LAT: variants seen among roughly 807,000 people sequenced by gnomAD.
LAT encodes linker for activation of T-cells family member 1.
Under a neutral mutation model 39.1 loss-of-function variants are expected in LAT, and 12 were observed. The ratio of observed to expected loss-of-function variants is 0.31; its 90% CI spans 0.20 to 0.50. The LOEUF (loss-of-function observed/expected upper bound fraction) is 0.50. Among genes scored for constraint, LAT ranks in the 20% least tolerant of loss-of-function variants. The pLI is 0.98. For synonymous variants in LAT, 117 were observed against 123.8 expected, an observed-to-expected ratio of 0.95 and a Z score of 0.36; for missense variants, 253 against 308.0, an observed-to-expected ratio of 0.82 and a Z score of 1.34.
At position 28,990,220 on chromosome 16, in the gene LAT, G is replaced by T; in HGVS notation, c.*39G>T. 2.9e-6 allele frequency: 2 copies of T among 701,196 alleles called. No homozygotes were observed. Among genetic ancestry groups the T allele is most frequent in the Non-Finnish European group, 5.2e-6 (2 of 385,948 alleles). 43.4% of individuals were successfully genotyped at this position (701,196 alleles called of 1,614,324 possible). A position where few individuals can be genotyped will look rare whatever the true frequency, so the allele number is the denominator to read the frequency against. On this transcript the variant is annotated 3_prime_UTR_variant, in exon 12 of 12. Coordinates refer to ENST00000395456, the MANE Select transcript of LAT (RefSeq NM_001014987.2). ...CCGAGTCTGTCCTGGAACCAGGCTT[G>T]CCTGGGACGGCTGAGCTGGGCAGCT... is the stretch of plus-strand genomic sequence containing the variant.
At position 28,985,334 on chromosome 16, in the gene LAT, G is replaced by A. The variant is rs1478716670; in HGVS notation, c.-84G>A. 2 of 1,585,462 alleles carry A rather than the reference G, an allele frequency of 1.3e-6. No individual in the cohort carries two copies. The highest frequency in any genetic ancestry group is 2.3e-5 in the East Asian group (1 of 44,352). Reference sequence around the variant, plus strand: ...TGCCCCCTGCTCCCTGCCGGGTCCGGTCCTCACCCCATCTTCATCTGGCCT... The same window carrying A: ...TGCCCCCTGCTCCCTGCCGGGTCCGATCCTCACCCCATCTTCATCTGGCCT... On this transcript the variant is annotated 5_prime_UTR_variant, in exon 1 of 12. Transcript: ENST00000395456. The surrounding 1 kb of genome is among the most constrained non-coding windows in gnomAD (Gnocchi z 4.6).
intron 9 of LAT, 72 bp downstream of exon 9, chr16:28,989,661 T>G (rs1018103423): frequency 6.3e-7 from 1 of 1,583,864 alleles, no homozygotes; most frequent in Non-Finnish European, 8.6e-7. Context: ...TGTGACCAGA[T>G]CCCACCCTGG....
At chr16:28,984,819 A>G (rs1965701666), upstream of LAT, 1 of 1,540,002 alleles carries the variant, frequency 6.5e-7, no homozygotes, top group African/African-American at 1.4e-5. Context: ...CAGAATTCCC[A>G]CTGTCAGGGC....
chr16:28,984,836 G>C (rs779625131), upstream of LAT: 13 of 1,549,714 alleles, frequency 8.4e-6, no homozygotes, highest in Admixed American at 2.0e-5. Context: ...GGGCCTCCCT[G>C]CTCGCTGCCT....
Position 28,986,170 on chromosome 16 carries a change from G to A in LAT, c.199G>A (p.Val67Ile), listed in dbSNP as rs1268270114. 6.2e-7 allele frequency: 1 copy of A among 1,604,578 alleles called. No individual in the cohort carries two copies. The highest frequency in any genetic ancestry group is 1.1e-5 in the South Asian group (1 of 89,648). ...CCCCTGGCCACCTGCCTACCCACCT[G>A]TCACCTCCTACCCACCCCTGAGCCA... is the stretch of plus-strand genomic sequence containing the variant. ...VAPWPPAYPP[V>I]TSYPPLSQPD... The change falls in exon 4 of 12, where the codon GTC (valine) becomes ATC (isoleucine). Residue 67 changes from valine to isoleucine, a missense_variant. By Grantham distance (29) the Val-to-Ile change is conservative (BLOSUM62 3). Transcript: ENST00000395456. This position sits in a 1 kb window ranked among gnomAD's most constrained non-coding sequence, Gnocchi z 5.7.
intron 9 of LAT, 91 bp from the exon 10 acceptor site, chr16:28,989,683 C>A: frequency 6.3e-7 from 1 of 1,580,790 alleles, no homozygotes; most frequent in Non-Finnish European, 8.7e-7. Flanking sequence ...GCTACCCACA[C>A]CCTCTGCCCC....
chr16:28,985,598 C>T lies in LAT; in HGVS notation c.100+81C>T. 1 of 1,601,912 alleles carries T rather than the reference C, an allele frequency of 6.2e-7. No homozygotes were observed. Among genetic ancestry groups the T allele is most frequent in the African/African-American group, 1.3e-5 (1 of 74,788 alleles). The stretch of plus-strand genomic sequence containing the variant: ...ATCCACTCCCAGCCCCTGTGTCTGT[C>T]CTGGCTCTGTCCCTGCCTCCGTCCT... On this transcript the variant is annotated intron_variant, in intron 1 of 11. Coordinates refer to ENST00000395456, the MANE Select transcript of LAT (RefSeq NM_001014987.2). The surrounding 1 kb of genome is among the most constrained non-coding windows in gnomAD (Gnocchi z 4.6).
At chr16:28,989,717 C>T (rs1176378805) in intron 9 of LAT, 57 bp from the exon 10 acceptor site, 6 of 1,602,660 alleles carry the variant, frequency 3.7e-6, no homozygotes, top group Non-Finnish European at 5.1e-6. Flanking sequence ...TCCCCTTGCT[C>T]TCTCGCCCTC....
In LAT at chr16:28,990,030, T is replaced by C; in HGVS notation, c.*7+11T>C. The C allele has an allele frequency of 6.2e-7, 1 of 1,602,450 alleles. No homozygotes were observed. Among genetic ancestry groups the C allele is most frequent in the Non-Finnish European group, 8.5e-7 (1 of 1,171,848 alleles). ...TGAACTGAGGGCCTGGTGAGAGGCC[T>C]GCCCTGTCCCCACCCTGCCCTGGGC... On this transcript the variant is annotated intron_variant, in intron 11 of 11. Coordinates refer to ENST00000395456, the MANE Select transcript of LAT (RefSeq NM_001014987.2).
At position 28,986,511 on chromosome 16, in the gene LAT, T is replaced by C; in HGVS notation, c.311-29T>C. 3 of 1,610,352 alleles carry C rather than the reference T, an allele frequency of 1.9e-6. No individual in the cohort carries two copies. Among genetic ancestry groups the C allele is most frequent in the Non-Finnish European group, 2.5e-6 (3 of 1,177,098 alleles). On this transcript the variant is annotated intron_variant, in intron 5 of 11. Transcript: ENST00000395456. The surrounding 1 kb of genome is among the most constrained non-coding windows in gnomAD (Gnocchi z 5.7). ...GAAGATAGGCCTGGCCTGAGCTGAC[T>C]TAGTCTCCCTCTCACCCTCTCTTTG... is the stretch of plus-strand genomic sequence containing the variant.
chr16:28,985,008 C>T (rs530666201), upstream of LAT: 1,749 of 1,429,412 alleles, frequency 1.2e-3, 10 homozygotes, highest in Non-Finnish European at 9.1e-4. This position sits in a 1 kb window ranked among gnomAD's most constrained non-coding sequence, Gnocchi z 4.6. Context: ...CGGGTGCAGC[C>T]GGCTGAGAGC....
chr16:28,985,648 T>C lies in LAT; in HGVS notation c.101-65T>C. ...TGATCCCAGCGCCTCTGAGAGTCCC[T>C]GGATCCCAGCACCTTCTGCCCTAAG... is the stretch of plus-strand genomic sequence containing the variant. On this transcript the variant is annotated intron_variant, in intron 1 of 11. Coordinates refer to ENST00000395456, the MANE Select transcript of LAT (RefSeq NM_001014987.2). The surrounding 1 kb of genome is among the most constrained non-coding windows in gnomAD (Gnocchi z 4.6). The C allele has an allele frequency of 6.2e-7, 1 of 1,611,402 alleles. No individual in the cohort carries two copies. Among genetic ancestry groups the C allele is most frequent in the Non-Finnish European group, 8.5e-7 (1 of 1,178,096 alleles).
chr16:28,985,007 C>T (rs1965708476), upstream of LAT: 11 of 1,434,996 alleles, frequency 7.7e-6, no homozygotes, highest in South Asian at 1.4e-4. This position sits in a 1 kb window ranked among gnomAD's most constrained non-coding sequence, Gnocchi z 4.6. Flanking sequence ...GCGGGTGCAG[C>T]CGGCTGAGAG....
intron 11 of LAT, 69 bp downstream of exon 11, chr16:28,990,088 C>A (rs991922127): frequency 7.8e-5 from 103 of 1,320,738 alleles, no homozygotes; most frequent in Non-Finnish European, 9.7e-5. Context: ...CCAGGACCCC[C>A]TTGCCCAACC....
intron 8 of LAT, chr16:28,988,199 C>G (rs1965801254): frequency 6.6e-6 from 1 of 152,326 alleles, no homozygotes; most frequent in Admixed American, 6.5e-5. Context: ...CCCTGGGGCT[C>G]CCGGGCCTGC....
chr16:28,989,706 G>A (rs961532736), intron 9 of LAT, 68 bp from the exon 10 acceptor site: 83 of 1,592,558 alleles, frequency 5.2e-5, no homozygotes, highest in Non-Finnish European at 6.9e-5. Flanking sequence ...CTGTCTGGGC[G>A]TCCCCTTGCT....
In LAT at chr16:28,985,113, C is replaced by T; in HGVS notation, c.-305C>T. 7.0e-7 allele frequency: 1 copy of T among 1,427,830 alleles called. No individual in the cohort carries two copies. 88.4% of individuals were successfully genotyped at this position (1,427,830 alleles called of 1,614,324 possible). ...CGGAGAGGCGGGCGCCGAGGAGGGG[C>T]AGGTAGGGCTGGGACGCAGGGGTAA... On this transcript the variant is annotated 5_prime_UTR_variant, in exon 1 of 12. Coordinates refer to ENST00000395456, the MANE Select transcript of LAT (RefSeq NM_001014987.2). This position sits in a 1 kb window ranked among gnomAD's most constrained non-coding sequence, Gnocchi z 4.6.
upstream of LAT, chr16:28,984,886 C>T: frequency 2.6e-6 from 4 of 1,549,460 alleles, no homozygotes; most frequent in Non-Finnish European, 3.5e-6. Context: ...TGCCAGCTGG[C>T]AGGTGGCTGT....
In LAT at chr16:28,986,275, A is replaced by C. The variant is rs1965749069; in HGVS notation, c.245+59A>C. 10 of 1,504,492 alleles carry C rather than the reference A, an allele frequency of 6.6e-6. No homozygotes were observed. Among genetic ancestry groups the C allele is most frequent in the South Asian group, 2.4e-5 (2 of 84,098 alleles). 93.2% of individuals were successfully genotyped at this position (1,504,492 alleles called of 1,614,324 possible). A position where few individuals can be genotyped will look rare whatever the true frequency, so the allele number is the denominator to read the frequency against. ...CTCAGCCCCTCCCCCTCCAAACTCC[A>C]CTCTCTACCCCTTCACTTTTTTGGA... is the stretch of plus-strand genomic sequence containing the variant. On this transcript the variant is annotated intron_variant, in intron 4 of 11. Coordinates refer to ENST00000395456, the MANE Select transcript of LAT (RefSeq NM_001014987.2). This position sits in a 1 kb window ranked among gnomAD's most constrained non-coding sequence, Gnocchi z 5.7.
Sources: gnomAD v4.1 joint callset for allele counts on GRCh38, gnomAD v4.1.1 for gene constraint, Gnocchi (gnomAD v3.1) non-coding constraint, MANE v1.5 for transcripts, NCBI Gene and HGNC (gene_info 2026-07-23, HGNC 2026-07-21) for gene names.